The following NPC1 variants were observed in gnomAD, a reference collection of about 807,000 sequenced individuals.
NPC1 encodes the protein Niemann-Pick C1 protein.
In NPC1, 85 loss-of-function variants were observed where a neutral mutation model predicts 140.4. That is an observed-to-expected ratio of 0.61 (90% CI 0.51 to 0.72). NPC1 has a LOEUF of 0.72. Ranked by LOEUF, NPC1 falls within the 30% of genes least tolerant of loss-of-function variation. The pLI is 0.00. For synonymous variants in NPC1, 656 were observed against 624.8 expected (o/e 1.05, Z -0.74); for missense variants, 1,504 against 1,623.8 (o/e 0.93, Z 1.27).
chr18:23,531,872 AGTGCATT>A lies in NPC1; in HGVS notation c.*323_*329del, dbSNP rs1182722732. ...CTTACTCCTAAAAGGAGAGACAGAC[AGTGCATT>A]GATTGGCCTTTACAGAGTGTCAGTG... On this transcript the variant is annotated 3_prime_UTR_variant, in exon 25 of 25. Transcript: ENST00000269228. The A allele has an allele frequency of 6.9e-7, 1 of 1,447,138 alleles. No homozygotes were observed. The highest frequency in any genetic ancestry group is 1.4e-5 in the African/African-American group (1 of 69,772). 89.6% of individuals were successfully genotyped at this position (1,447,138 alleles called of 1,614,324 possible).
intron 17 of NPC1, 90 bp downstream of exon 17, chr18:23,540,358 T>C (rs1488888192): frequency 3.4e-6 from 3 of 870,064 alleles, no homozygotes; most frequent in Non-Finnish European, 5.6e-6. Context: ...AAGCAGGCAC[T>C]TGCTTGAAAC....
downstream of NPC1, among the ~76,000 whole-genome samples, chr18:23,522,090 A>C (rs766310263): frequency 4.6e-5 from 7 of 152,198 alleles, no homozygotes; most frequent in Non-Finnish European, 7.3e-5. Flanking sequence ...CTCTGGCTGA[A>C]AGTTCAGCAA....
At chr18:23,577,358 A>C in intron 1 of NPC1, among the ~76,000 whole-genome samples, 1 of 147,958 alleles carries the variant, frequency 6.8e-6, no homozygotes, top group Admixed American at 6.7e-5. Context: ...TGAGCTAAAC[A>C]CAGGGTGCTG....
downstream of NPC1, among the ~76,000 whole-genome samples, chr18:23,527,634 C>G (rs748749771): frequency 7.3e-6 from 1 of 137,552 alleles, no homozygotes; most frequent in African/African-American, 2.8e-5. Flanking sequence ...AAAGGGGTTG[C>G]GAATGACATC....
intron 1 of NPC1, among the ~76,000 whole-genome samples, chr18:23,574,409 C>T (rs2145556084): frequency 6.6e-6 from 1 of 152,166 alleles, no homozygotes; most frequent in South Asian, 2.1e-4. Flanking sequence ...TATCAAGAAG[C>T]AGCCATGGCT....
chr18:23,547,947 G>T (rs1319488330), intron 11 of NPC1, 59 bp downstream of exon 11: 1 of 1,006,712 alleles, frequency 9.9e-7, no homozygotes, highest in Admixed American at 1.7e-5. Context: ...AGTGCTTGCC[G>T]CAAGTGTCTA....
chr18:23,580,790 C>T (rs1418154036), intron 1 of NPC1, among the ~76,000 whole-genome samples: 1 of 152,190 alleles, frequency 6.6e-6, no homozygotes. Flanking sequence ...ATGAAGAATC[C>T]TGTCCAGAGA....
chr18:23,529,892 C>A, downstream of NPC1: 1 of 1,059,756 alleles, frequency 9.4e-7, no homozygotes, highest in Non-Finnish European at 1.4e-6. Context: ...GGGGTCTTTA[C>A]CTGCATGACG....
chr18:23,515,758 C>T, intron 3 of NPC1: 1 of 1,444,258 alleles, frequency 6.9e-7, no homozygotes, highest in East Asian at 2.3e-5. Flanking sequence ...GTCTCGAACT[C>T]CTGACCTCAG....
chr18:23,540,124 T>C, intron 17 of NPC1, 123 bp from the exon 18 acceptor site: 1 of 827,822 alleles, frequency 1.2e-6, no homozygotes, highest in South Asian at 1.4e-5. Context: ...CCAGCTGGAC[T>C]CATGATTCCT....
chr18:23,586,390 G>A lies in NPC1; in HGVS notation c.-47C>T, dbSNP rs1208178293. The A allele has an allele frequency of 6.5e-7, 1 of 1,530,014 alleles. No individual in the cohort carries two copies. The highest frequency in any genetic ancestry group is 8.7e-7 in the Non-Finnish European group (1 of 1,144,658). 94.8% of individuals were successfully genotyped at this position (1,530,014 alleles called of 1,614,324 possible). A position where few individuals can be genotyped will look rare whatever the true frequency, so the allele number is the denominator to read the frequency against. ...TGACGCCGGCGGCGTTCGGCTGGTT[G>A]GGCTCCCCGGAGGCGGCTCTACTTC... On this transcript the variant is annotated 5_prime_UTR_variant, in exon 1 of 25. Coordinates refer to ENST00000269228, the MANE Select transcript of NPC1 (RefSeq NM_000271.5).
downstream of NPC1, chr18:23,527,704 T>C (rs2058347315): frequency 3.0e-6 from 3 of 991,830 alleles, no homozygotes; most frequent in Non-Finnish European, 4.7e-6. Flanking sequence ...TGGTAACCTT[T>C]TGAGATTAGT....
At chr18:23,540,227 A>G (rs1284546782) in intron 17 of NPC1, among the ~76,000 whole-genome samples, 1 of 152,148 alleles carries the variant, frequency 6.6e-6, no homozygotes, top group Non-Finnish European at 1.5e-5. Flanking sequence ...TCATAAGACT[A>G]GTTATTCGTG....
Position 23,544,433 on chromosome 18 carries a change from G to A in NPC1, c.2041C>T (p.Pro681Ser), listed in dbSNP as rs755421805. The A allele has an allele frequency of 2.5e-6, 4 of 1,614,120 alleles. No individual in the cohort carries two copies. Among genetic ancestry groups the A allele is most frequent in the East Asian group, 2.2e-5 (1 of 44,880 alleles). Reference sequence around the variant, plus strand: ...ACTTCAATCACAATGAGGGTCAAGGGCAACCCAATGTAGCTGAAGACACCC... The same window carrying A: ...ACTTCAATCACAATGAGGGTCAAGGACAACCCAATGTAGCTGAAGACACCC... Reference protein sequence around the residue: ...SLGVFSYIGLPLTLIVIEVIP... With the variant: ...SLGVFSYIGLSLTLIVIEVIP... The change falls in exon 13 of 25, where the codon CCC becomes TCC. Residue 681 changes from proline to serine, a missense_variant. Pro to Ser is a moderately conservative substitution (Grantham distance 74, BLOSUM62 -1). Coordinates refer to ENST00000269228, the MANE Select transcript of NPC1 (RefSeq NM_000271.5).
chr18:23,548,780 TTC>T (rs2058826115), intron 10 of NPC1, among the ~76,000 whole-genome samples: 1 of 152,204 alleles, frequency 6.6e-6, no homozygotes, highest in Admixed American at 6.5e-5. Context: ...TAAATCTTTT[TTC>T]TTTTTTTGGG....
intron 24 of NPC1, chr18:23,533,098 G>C: frequency 1.6e-6 from 1 of 626,046 alleles, no homozygotes; most frequent in Non-Finnish European, 2.5e-6. Context: ...TCAAGGACTG[G>C]CTCCAGGCCT....
At chr18:23,534,365 C>T (rs929165312) in intron 23 of NPC1, 81 bp downstream of exon 23, 2 of 956,888 alleles carry the variant, frequency 2.1e-6, no homozygotes, top group Non-Finnish European at 3.3e-6. Context: ...TTTGTAAGTA[C>T]AGGATCCAGA....
At chr18:23,534,905 T>C (rs1204202722) in intron 22 of NPC1, among the ~76,000 whole-genome samples, 1 of 152,220 alleles carries the variant, frequency 6.6e-6, no homozygotes, top group Non-Finnish European at 1.5e-5. Flanking sequence ...GCAGGGCTCA[T>C]ATCTGAGAGT....
In NPC1 at chr18:23,541,063, C is replaced by T; in HGVS notation, c.2514+5G>A. The T allele has an allele frequency of 6.2e-7, 1 of 1,614,100 alleles. No individual in the cohort carries two copies. The highest frequency in any genetic ancestry group is 8.5e-7 in the Non-Finnish European group (1 of 1,179,996). The stretch of plus-strand genomic sequence containing the variant: ...GAAAGAGAAAAACCACAGATAAGCG[C>T]ATACCACAATTGGTCTCATCCAGTC... On this transcript the variant is annotated splice_donor_5th_base_variant and intron_variant, in intron 16 of 24. Transcript: ENST00000269228.
Sources: gnomAD v4.1 joint callset for allele counts (sites outside exome capture counted in the v4.1 genomes callset) on GRCh38, gnomAD v4.1.1 for gene constraint, MANE v1.5 for transcripts, NCBI Gene and HGNC (gene_info 2026-07-23, HGNC 2026-07-21) for gene names.